The following GDPD1 variants were observed in gnomAD, a reference collection of about 807,000 sequenced individuals.
The protein encoded by GDPD1 is glycerophosphodiester phosphodiesterase domain containing 1.
Under a neutral mutation model 45.1 loss-of-function variants are expected in GDPD1, and 28 were observed. That is an observed-to-expected ratio of 0.62 (90% confidence interval 0.46 to 0.85). GDPD1 has a LOEUF of 0.85. GDPD1 is among the 40% of genes least tolerant of loss of function. The pLI is 0.00. For missense variants in GDPD1, 256 were observed against 364.8 expected, an observed-to-expected ratio of 0.70 and a Z score of 2.43; for synonymous variants, 139 against 131.4, an observed-to-expected ratio of 1.06 and a Z score of -0.40.
intron 2 of GDPD1, among the ~76,000 whole-genome samples, chr17:59,244,143 G>A (rs2047194260): frequency 6.6e-6 from 1 of 152,188 alleles, no homozygotes; most frequent in Admixed American, 6.5e-5. Flanking sequence ...TGACTTGAGA[G>A]ATCAAGTGCC....
intron 1 of GDPD1, among the ~76,000 whole-genome samples, chr17:59,232,268 T>C (rs1237568896): frequency 6.6e-6 from 1 of 151,952 alleles, no homozygotes; most frequent in Non-Finnish European, 1.5e-5. Context: ...ATGGCCAATA[T>C]GGTGAAACCC....
intron 2 of GDPD1, among the ~76,000 whole-genome samples, chr17:59,241,381 G>A (rs1025709598): frequency 1.2e-4 from 18 of 152,058 alleles, no homozygotes; most frequent in African/African-American, 4.3e-4. Flanking sequence ...GCAATGGTGC[G>A]ATCTTGGCTC....
chr17:59,252,887 C>A (rs1390232843), intron 4 of GDPD1, among the ~76,000 whole-genome samples: 3 of 150,618 alleles, frequency 2.0e-5, no homozygotes, highest in Non-Finnish European at 3.0e-5. Context: ...GTTATACCAG[C>A]TACTTCTGAG....
chr17:59,250,593 G>T (rs2047245182), intron 4 of GDPD1, among the ~76,000 whole-genome samples: 1 of 145,516 alleles, frequency 6.9e-6, no homozygotes, highest in Admixed American at 6.9e-5. Context: ...TCCAGCCTGG[G>T]TGACAGTGAG....
intron 6 of GDPD1, among the ~76,000 whole-genome samples, chr17:59,261,561 A>C (rs1257266396): frequency 6.6e-6 from 1 of 151,786 alleles, no homozygotes; most frequent in African/African-American, 2.4e-5. Flanking sequence ...CAGTGGTGTG[A>C]TCTTGGTTCA....
chr17:59,239,167 A>C (rs1049869928), intron 2 of GDPD1, among the ~76,000 whole-genome samples: 1 of 152,220 alleles, frequency 6.6e-6, no homozygotes, highest in African/African-American at 2.4e-5. Flanking sequence ...TCTCATGATA[A>C]ATATTTTAGA....
At chr17:59,264,406 G>A (rs2147902643) in intron 6 of GDPD1, among the ~76,000 whole-genome samples, 1 of 152,132 alleles carries the variant, frequency 6.6e-6, no homozygotes, top group African/African-American at 2.4e-5. Flanking sequence ...CAATTCTCCT[G>A]CCTCAGCCTC....
At chr17:59,225,096 T>TG (rs1228262540) in intron 1 of GDPD1, among the ~76,000 whole-genome samples, 1 of 144,116 alleles carries the variant, frequency 6.9e-6, no homozygotes, top group East Asian at 2.0e-4. Context: ...TTTTCTTTTT[T>TG]TTTTTTTTTT....
intron 6 of GDPD1, among the ~76,000 whole-genome samples, chr17:59,266,353 A>C (rs1255284606): frequency 6.7e-6 from 1 of 148,618 alleles, no homozygotes; most frequent in Non-Finnish European, 1.5e-5. Flanking sequence ...GTGCCACTGC[A>C]CTCCAACCTG....
intron 4 of GDPD1, among the ~76,000 whole-genome samples, chr17:59,254,301 C>T (rs1237357554): frequency 6.8e-6 from 1 of 147,638 alleles, no homozygotes; most frequent in African/African-American, 2.5e-5. Context: ...GCAGAGGTTG[C>T]GATGAGCCGA....
chr17:59,270,995 T>C lies in GDPD1; in HGVS notation c.770T>C (p.Leu257Pro), dbSNP rs1328457224. ...SQKFLIWLSDLLLMRKALFDH... is the reference protein window; with the variant it reads ...SQKFLIWLSDPLLMRKALFDH... ...AAGTTTCTCATCTGGCTTTCTGATC[T>C]GTAAGAATTTTAATTTCTTAATATG... The change falls in exon 8 of 10, where the codon CTC becomes CCC. Residue 257 changes from leucine to proline, a missense_variant and splice_region_variant. Transcript: ENST00000284116. 4 of 1,573,652 alleles carry C rather than the reference T, an allele frequency of 2.5e-6. No individual in the cohort carries two copies. Among genetic ancestry groups the C allele is most frequent in the Admixed American group, 1.7e-5 (1 of 58,436 alleles).
At chr17:59,255,283 A>AATTAT (rs1222493449) in intron 4 of GDPD1, among the ~76,000 whole-genome samples, 1 of 152,000 alleles carries the variant, frequency 6.6e-6, no homozygotes, top group African/African-American at 2.4e-5. Flanking sequence ...AAATTATATA[A>AATTAT]ATGATTAGAG....
rs2047466269 is a variant in GDPD1, at chr17:59,274,500, GAGACTCCGTCTC to G, written c.*729_*740del. 1 of 107,142 alleles carries G rather than the reference GAGACTCCGTCTC, an allele frequency of 9.3e-6. No individual in the cohort carries two copies. The highest frequency in any genetic ancestry group is 1.8e-5 in the Non-Finnish European group (1 of 54,644). 6.6% of individuals were successfully genotyped at this position (107,142 alleles called of 1,614,324 possible). On this transcript the variant is annotated 3_prime_UTR_variant, in exon 10 of 10. Transcript: ENST00000284116. ...TGCACTCCAGCCTGGGAGACAGAGT[GAGACTCCGTCTC>G]AAAAAAAAAAAAAAAAAAAAAAAAT...
chr17:59,227,637 ATAAT>A lies in GDPD1; in HGVS notation c.143-6853_143-6850del, dbSNP rs1319920063. ...TACTATGATAATGGCAATAGTAATAATAATTCTAATAATAGCAATAATCCTTTAC... is the reference window on the plus strand; with the variant it reads ...TACTATGATAATGGCAATAGTAATAATCTAATAATAGCAATAATCCTTTAC... On this transcript the variant is annotated intron_variant, in intron 1 of 9. Transcript: ENST00000284116. 2.6e-5 allele frequency among the ~76,000 whole-genome samples: 4 copies of A among 152,254 alleles called. No homozygotes were observed. The East Asian group carries it at 7.7e-4, about 29-fold the overall frequency.
chr17:59,268,654 G>C (rs914746337), intron 7 of GDPD1, among the ~76,000 whole-genome samples: 3 of 147,038 alleles, frequency 2.0e-5, no homozygotes, highest in Admixed American at 6.8e-5. Flanking sequence ...TCAAGCTGAA[G>C]AGCTTTCCTC....
chr17:59,261,882 T>C (rs2047358190), intron 6 of GDPD1, among the ~76,000 whole-genome samples: 1 of 149,840 alleles, frequency 6.7e-6, no homozygotes, highest in African/African-American at 2.5e-5. Flanking sequence ...AATCCTCTTG[T>C]CTCGTTTTCC....
intron 8 of GDPD1, among the ~76,000 whole-genome samples, chr17:59,272,233 G>C (rs1366148062): frequency 6.6e-6 from 1 of 152,174 alleles, no homozygotes; most frequent in Admixed American, 6.5e-5. Flanking sequence ...TCTTGCTCAA[G>C]AGGTTTGTAT....
At chr17:59,268,578 CAA>C (rs1176390251) in intron 7 of GDPD1, among the ~76,000 whole-genome samples, 3 of 35,370 alleles carry the variant, frequency 8.5e-5, no homozygotes, top group African/African-American at 1.8e-4. Flanking sequence ...GACTCTGTCT[CAA>C]AAAAAAAAAA....
At chr17:59,228,062 C>T (rs757268122) in intron 1 of GDPD1, among the ~76,000 whole-genome samples, 7 of 150,880 alleles carry the variant, frequency 4.6e-5, no homozygotes, top group Non-Finnish European at 8.8e-5. Flanking sequence ...GTTTCAGCTA[C>T]TCAGGAGGCT....
Sources: allele counts gnomAD v4.1 joint callset (sites outside exome capture counted in the v4.1 genomes callset), GRCh38; gene constraint gnomAD v4.1.1; transcripts MANE v1.5; gene names NCBI Gene and HGNC (gene_info 2026-07-23, HGNC 2026-07-21).